The following NCKAP5 variants were observed in gnomAD, a reference collection of about 807,000 sequenced individuals.
NCKAP5 encodes NCK associated protein 5.
In NCKAP5, 92 loss-of-function variants were observed where a neutral mutation model predicts 167.0. That is an observed-to-expected ratio of 0.55 (90% CI 0.47 to 0.66). The LOEUF is 0.66. Ranked by LOEUF, NCKAP5 falls within the 30% of genes least tolerant of loss-of-function variation. The pLI is 0.00. For synonymous variants in NCKAP5, 891 were observed against 877.4 expected, an observed-to-expected ratio of 1.02 and a Z score of -0.27; for missense variants, 2,378 against 2,315.0, an observed-to-expected ratio of 1.03 and a Z score of -0.56.
intron 16 of NCKAP5, among the ~76,000 whole-genome samples, chr2:132,755,513 T>G (rs6430373): frequency 6.6e-6 from 1 of 151,904 alleles, no homozygotes; most frequent in Non-Finnish European, 1.5e-5. Flanking sequence ...ATCTAGCTAC[T>G]TTTACCTCAG....
chr2:133,242,240 T>A (rs541415790), intron 4 of NCKAP5, among the ~76,000 whole-genome samples: 2 of 148,000 alleles, frequency 1.4e-5, no homozygotes, highest in South Asian at 4.2e-4. Context: ...AATACTCTGT[T>A]TTTCTTTTCT....
chr2:133,327,116 G>A (rs1184734052), intron 3 of NCKAP5, among the ~76,000 whole-genome samples: 1 of 152,162 alleles, frequency 6.6e-6, no homozygotes, highest in Non-Finnish European at 1.5e-5. Context: ...AGGGACTTTG[G>A]TATTTACAGC....
chr2:132,714,565 C>G (rs904887285), intron 19 of NCKAP5, among the ~76,000 whole-genome samples: 1 of 152,082 alleles, frequency 6.6e-6, no homozygotes, highest in African/African-American at 2.4e-5. Flanking sequence ...TGCCTGTAAT[C>G]CCAGCACTTT....
chr2:133,631,078 T>C, the NCKAP5 span, among the ~76,000 whole-genome samples: 3 of 152,168 alleles, frequency 2.0e-5, no homozygotes, highest in African/African-American at 7.2e-5. Context: ...CATAAAATCA[T>C]GAAAAATCAT....
chr2:133,006,729 G>A (rs1420922353), intron 6 of NCKAP5, among the ~76,000 whole-genome samples: 1 of 152,102 alleles, frequency 6.6e-6, no homozygotes, highest in East Asian at 1.9e-4. Context: ...AGTAGCCGGT[G>A]TTAATCTGTT....
Position 132,781,081 on chromosome 2 carries a change from C to T in NCKAP5, c.5020G>A (p.Ala1674Thr). 1.2e-6 allele frequency: 2 copies of T among 1,613,626 alleles called. No homozygotes were observed. The highest frequency in any genetic ancestry group is 8.5e-7 in the Non-Finnish European group (1 of 1,179,760). ...GNHKKNMKIKADMEVPKDSLV... is the reference protein window; with the variant it reads ...GNHKKNMKIKTDMEVPKDSLV... The stretch of plus-strand genomic sequence containing the variant: ...GAGTCTTTTGGTACTTCCATATCGG[C>T]TTTGATTTTCATGTTTTTCTTGTGG... Residue 1674 changes from alanine (A) to threonine (T), a missense_variant, in exon 15 of 20, where the codon GCC becomes ACC. By Grantham distance (58) the Ala-to-Thr change is moderately conservative (BLOSUM62 0). Transcript: ENST00000409261.
rs1311755100 is a variant in NCKAP5 at position 132,783,656 on chromosome 2, T to A, written c.3155A>T (p.Gln1052Leu). ...GTCCCTTTGTGGGGTCCCAAGTGTTTGGCGAGGAGAGGTTTTGGGGACACC... is the reference window on the plus strand; with the variant it reads ...GTCCCTTTGTGGGGTCCCAAGTGTTAGGCGAGGAGAGGTTTTGGGGACACC... ...KRGVPKTSPR[Q>L]TLGTPQRDIG... is the part of the protein sequence containing the mutation. The change falls in exon 14 of 20, where the codon CAA (glutamine) becomes CTA (leucine). Residue 1052 changes from glutamine to leucine, a missense_variant. Around this residue, in one of 3 missense-constraint regions of NCKAP5, gnomAD observed 1,325 missense variants for 1,274.5 expected, o/e 1.04. Transcript: ENST00000409261. 6.2e-7 allele frequency: 1 copy of A among 1,613,748 alleles called. No individual in the cohort carries two copies. Among genetic ancestry groups the A allele is most frequent in the East Asian group, 2.2e-5 (1 of 44,866 alleles).
At chr2:133,016,026 T>A (rs1459936406) in intron 6 of NCKAP5, among the ~76,000 whole-genome samples, 3 of 143,440 alleles carry the variant, frequency 2.1e-5, no homozygotes, top group Admixed American at 7.3e-5. Context: ...AGTACTGGCA[T>A]GGCTCTAGGA....
At chr2:133,103,102 T>G (rs1414759067) in intron 6 of NCKAP5, among the ~76,000 whole-genome samples, 1 of 152,236 alleles carries the variant, frequency 6.6e-6, no homozygotes, top group East Asian at 1.9e-4. Flanking sequence ...TGGATAGCTT[T>G]CCCTTAGCAA....
chr2:132,900,657 A>G (rs1028837811), intron 8 of NCKAP5, among the ~76,000 whole-genome samples: 4 of 152,150 alleles, frequency 2.6e-5, no homozygotes, highest in African/African-American at 9.7e-5. Context: ...ACTGTTATGA[A>G]AACTACTGTT....
At chr2:133,620,089 T>C in the NCKAP5 span, among the ~76,000 whole-genome samples, 2 of 151,888 alleles carry the variant, frequency 1.3e-5, no homozygotes, top group African/African-American at 4.8e-5. Flanking sequence ...TAAAAGGAGA[T>C]GTAACTCTTG....
intron 6 of NCKAP5, among the ~76,000 whole-genome samples, chr2:133,115,764 T>C (rs1479319717): frequency 1.0e-5 from 1 of 96,900 alleles, no homozygotes; most frequent in Non-Finnish European, 1.9e-5. Flanking sequence ...TTGAAGTATA[T>C]ATGTGTGTGT....
chr2:133,436,403 G>GT (rs1389573950), intron 3 of NCKAP5, among the ~76,000 whole-genome samples: 2 of 152,184 alleles, frequency 1.3e-5, no homozygotes, highest in Non-Finnish European at 2.9e-5. Flanking sequence ...CCTGGCTCTA[G>GT]TTTTTTTGCA....
At position 133,477,168 on chromosome 2, in the gene NCKAP5, G is replaced by A. The variant is rs79119448; in HGVS notation, c.69+40290C>T. ...ACTTTCTCCAAAGTCATTGTGCTAC[G>A]AGACTCTAATTTTACTTCCTTAGAA... On this transcript the variant is annotated intron_variant, in intron 3 of 19. Coordinates refer to ENST00000409261, the MANE Select transcript of NCKAP5 (RefSeq NM_207363.3). Among the ~76,000 whole-genome samples the A allele has an allele frequency of 3.0e-3, 460 of 152,302 alleles. 19 individuals are homozygous for A. In the East Asian group the frequency reaches 0.077, roughly 26 times the overall value.
chr2:133,093,431 C>T (rs1036093608), intron 6 of NCKAP5, among the ~76,000 whole-genome samples: 5 of 152,190 alleles, frequency 3.3e-5, no homozygotes, highest in African/African-American at 1.2e-4. Flanking sequence ...CATTACTATT[C>T]ACGAAGCTTG....
rs114249450 is a variant in NCKAP5, at chr2:132,715,901, C to T, written c.5713+9726G>A. Among the ~76,000 whole-genome samples, 1,420 of 152,240 alleles carry T rather than the reference C, an allele frequency of 9.3e-3. 14 individuals carry two copies. Among genetic ancestry groups the T allele is most frequent in the Non-Finnish European group, 0.013 (916 of 68,018 alleles). ...TTGGCACAAACATTTGACAGCTTCT[C>T]CCTCCCAATGAACATTTCTAATACC... On this transcript the variant is annotated intron_variant, in intron 19 of 19. Coordinates refer to ENST00000409261, the MANE Select transcript of NCKAP5 (RefSeq NM_207363.3).
At chr2:132,938,767 A>G (rs189535324) in intron 8 of NCKAP5, among the ~76,000 whole-genome samples, 25 of 152,278 alleles carry the variant, frequency 1.6e-4, no homozygotes, top group Admixed American at 1.2e-3. Context: ...TTAGAGAAAG[A>G]AGGGGGAGAG....
chr2:132,686,392 C>G (rs1268208499), intron 19 of NCKAP5, among the ~76,000 whole-genome samples: 1 of 152,178 alleles, frequency 6.6e-6, no homozygotes, highest in South Asian at 2.1e-4. Flanking sequence ...CCTCTGAATT[C>G]TTTTCTGACC....
chr2:132,811,854 A>AC (rs995487915), intron 11 of NCKAP5, among the ~76,000 whole-genome samples: 10 of 151,712 alleles, frequency 6.6e-5, no homozygotes, highest in Admixed American at 4.6e-4. Flanking sequence ...GTGGAGTTTT[A>AC]CCCCCCGCTC....
Sources: allele counts gnomAD v4.1 joint callset (sites outside exome capture counted in the v4.1 genomes callset), GRCh38; gene constraint gnomAD v4.1.1; regional missense constraint gnomAD v4.1.1; transcripts MANE v1.5; gene names NCBI Gene and HGNC (gene_info 2026-07-23, HGNC 2026-07-21).